Variants in PDZK1 observed in about 807,000 individuals in gnomAD.
PDZK1 encodes PDZ domain containing 1.
PDZK1 carries 23 observed loss-of-function variants against 38.1 expected under a neutral mutation model. That is an observed-to-expected ratio of 0.60 (90% CI 0.43 to 0.85). The LOEUF is 0.85. Ranked by LOEUF, PDZK1 falls within the 40% of genes least tolerant of loss-of-function variation. The pLI, the probability that PDZK1 is intolerant of heterozygous loss-of-function variation, is 0.00. For missense variants in PDZK1, 297 were observed against 504.3 expected (o/e 0.59, Z 3.94); for synonymous variants, 98 against 186.2 (o/e 0.53, Z 3.86).
chr1:145,678,055 T>G (rs1653889411), intron 6 of PDZK1, among the ~76,000 whole-genome samples: 1 of 116,672 alleles, frequency 8.6e-6, no homozygotes, highest in African/African-American at 3.4e-5. Flanking sequence ...GCTAAGGGCT[T>G]ACAAGTTGTT....
chr1:145,701,436 T>C (rs896189197), intron 1 of PDZK1, among the ~76,000 whole-genome samples: 1 of 151,958 alleles, frequency 6.6e-6, no homozygotes, highest in Non-Finnish European at 1.5e-5. Context: ...CACTCTGAAC[T>C]TTAGCAAGAA....
At chr1:145,672,628 T>G in intron 8 of PDZK1, 102 bp downstream of exon 8, 1 of 1,469,978 alleles carries the variant, frequency 6.8e-7, no homozygotes, top group Non-Finnish European at 9.2e-7. Context: ...ATTTTCTAGT[T>G]TTAAAAAAAT....
At chr1:145,692,908 G>T (rs1655341479) in intron 1 of PDZK1, among the ~76,000 whole-genome samples, 1 of 151,926 alleles carries the variant, frequency 6.6e-6, no homozygotes, top group African/African-American at 2.4e-5. Flanking sequence ...TGTGGTGGCG[G>T]CGTGAGGCAG....
intron 3 of PDZK1, among the ~76,000 whole-genome samples, chr1:145,685,965 C>T (rs1305858861): frequency 3.9e-5 from 6 of 152,036 alleles, no homozygotes; most frequent in South Asian, 2.1e-4. Context: ...GAAATTTTTG[C>T]GGTATTCTCA....
At chr1:145,701,361 C>G (rs1571642590) in intron 1 of PDZK1, among the ~76,000 whole-genome samples, 1 of 151,342 alleles carries the variant, frequency 6.6e-6, no homozygotes, top group South Asian at 2.1e-4. Flanking sequence ...AGGGCAGGGT[C>G]TCTCCGGCAA....
At chr1:145,679,632 T>G (rs587753934) in intron 5 of PDZK1, among the ~76,000 whole-genome samples, 275 of 152,264 alleles carry the variant, frequency 1.8e-3, no homozygotes, top group Non-Finnish European at 3.3e-3. Context: ...GAGCATGGGC[T>G]TTGGAACTAA....
At chr1:145,680,656 C>G (rs1375457304) in intron 5 of PDZK1, among the ~76,000 whole-genome samples, 1 of 143,680 alleles carries the variant, frequency 7.0e-6, no homozygotes, top group Non-Finnish European at 1.5e-5. Context: ...TGGATTTCCC[C>G]CCACCCCCGC....
chr1:145,674,158 T>A (rs1321854265), intron 6 of PDZK1: 160 of 984,912 alleles, frequency 1.6e-4, no homozygotes, highest in Non-Finnish European at 1.9e-4. Context: ...AAAAGAAGTC[T>A]AAAAAATTGC....
Position 145,686,557 on chromosome 1 carries a change from A to G in PDZK1, c.380T>C (p.Val127Ala), listed in dbSNP as rs143666552. The G allele has an allele frequency of 1.4e-5, 22 of 1,611,262 alleles. No homozygotes were observed. The highest frequency in any genetic ancestry group is 1.5e-5 in the Non-Finnish European group (18 of 1,179,616). Residue 127 changes from valine (V) to alanine (A), a missense_variant, in exon 3 of 9, where the codon GTG (valine) becomes GCG (alanine). By Grantham distance (64) the Val-to-Ala change is moderately conservative (BLOSUM62 0). Around this residue, in one of 5 missense-constraint regions of PDZK1, gnomAD observed 159 missense variants for 200.0 expected, o/e 0.79. Coordinates refer to ENST00000417171, the MANE Select transcript of PDZK1 (RefSeq NM_001201325.2). ...NILSPVMNGG[V>A]QTWTQPRLCY... ...GAGCCGGGGCTGGGTCCAAGTTTGC[A>G]CACCTCCATTCATCACAGGGGAAAG... is the stretch of plus-strand genomic sequence containing the variant.
intron 1 of PDZK1, among the ~76,000 whole-genome samples, chr1:145,703,955 A>G (rs1553705349): frequency 6.6e-6 from 1 of 152,058 alleles, no homozygotes; most frequent in African/African-American, 2.4e-5. Context: ...CAGCCTCCTG[A>G]GAAGCTGGGA....
At chr1:145,703,751 T>A (rs1201100144) in intron 1 of PDZK1, among the ~76,000 whole-genome samples, 1 of 151,950 alleles carries the variant, frequency 6.6e-6, no homozygotes, top group Non-Finnish European at 1.5e-5. Flanking sequence ...TAGGTTAGAC[T>A]GTGAGCACTG....
rs187877129 is a variant in PDZK1 at position 145,703,391 on chromosome 1, T to C, written c.-3+3926A>G. 2.8e-3 allele frequency among the ~76,000 whole-genome samples: 429 copies of C among 152,298 alleles called. 4 individuals are homozygous for C. In the Middle Eastern group the frequency reaches 0.037, roughly 13 times the overall value. On this transcript the variant is annotated intron_variant, in intron 1 of 8. Coordinates refer to ENST00000417171, the MANE Select transcript of PDZK1 (RefSeq NM_001201325.2). ...GCTTTCTTATTGTTATATATATTTA[T>C]TGAGCTCCCTACTAGGATTAGGAAC... is the stretch of plus-strand genomic sequence containing the variant.
Position 145,680,990 on chromosome 1 carries a change from G to C in PDZK1, c.715C>G (p.His239Asp). The change falls in exon 5 of 9, where the codon CAC becomes GAC. Residue 239 changes from histidine to aspartate, a missense_variant. His to Asp is a moderately conservative substitution (Grantham distance 81, BLOSUM62 -1). Coordinates refer to ENST00000417171, the MANE Select transcript of PDZK1 (RefSeq NM_001201325.2). ...RETASLKLLP[H>D]QPRIVEMKKG... ...TTCATCTCCACAATTCGGGGCTGGT[G>C]GGGTAACAGTTTCAAACTGGCTGTT... 1 of 574,742 alleles carries C rather than the reference G, an allele frequency of 1.7e-6. No individual in the cohort carries two copies. Among genetic ancestry groups the C allele is most frequent in the Admixed American group, 3.4e-5 (1 of 29,646 alleles). The allele number at this position is 574,742 out of a possible 1,614,324, so 35.6% of individuals were successfully genotyped here. A position where few individuals can be genotyped will look rare whatever the true frequency, so the allele number is the denominator to read the frequency against.
At chr1:145,687,766 G>T in intron 2 of PDZK1, 46 bp downstream of exon 2, 1 of 1,484,002 alleles carries the variant, frequency 6.7e-7, no homozygotes, top group Non-Finnish European at 9.4e-7. Context: ...AGAAGATGTG[G>T]GGGCTGAAGA....
At chr1:145,701,040 A>G (rs1455870234) in intron 1 of PDZK1, among the ~76,000 whole-genome samples, 1 of 152,118 alleles carries the variant, frequency 6.6e-6, no homozygotes, top group Admixed American at 6.5e-5. Flanking sequence ...CCCCGTCTCT[A>G]CTAAAAATAC....
chr1:145,699,599 G>C (rs148539878), intron 1 of PDZK1, among the ~76,000 whole-genome samples: 2,179 of 152,294 alleles, frequency 0.014, 22 homozygotes, highest in South Asian at 0.028. Flanking sequence ...GAAAGAAGAA[G>C]GGACTGTGGA....
chr1:145,698,514 A>G (rs1655764210), intron 1 of PDZK1, among the ~76,000 whole-genome samples: 1 of 152,206 alleles, frequency 6.6e-6, no homozygotes, highest in Non-Finnish European at 1.5e-5. Context: ...GTTAAAATAT[A>G]TATATATAAT....
chr1:145,701,610 C>T (rs1017793560), intron 1 of PDZK1, among the ~76,000 whole-genome samples: 3 of 152,150 alleles, frequency 2.0e-5, no homozygotes, highest in African/African-American at 7.2e-5. Flanking sequence ...AAGCCAGCAA[C>T]TATAGACAGG....
chr1:145,704,636 T>A (rs1553705450), intron 1 of PDZK1, among the ~76,000 whole-genome samples: 1 of 152,200 alleles, frequency 6.6e-6, no homozygotes, highest in East Asian at 1.9e-4. Context: ...GCTCATTTTC[T>A]TAATCACTTA....
Sources: allele counts gnomAD v4.1 joint callset (sites outside exome capture counted in the v4.1 genomes callset), GRCh38; gene constraint gnomAD v4.1.1; regional missense constraint gnomAD v4.1.1; transcripts MANE v1.5; gene names NCBI Gene and HGNC (gene_info 2026-07-23, HGNC 2026-07-21).